CYP7B1: variants seen among roughly 807,000 people sequenced by gnomAD.
CYP7B1 encodes the protein cytochrome P450 family 7 subfamily B member 1, also known as cytochrome P450 7B1.
In CYP7B1, 29 loss-of-function variants were observed where a neutral mutation model predicts 42.7. The observed-to-expected ratio is 0.68, with a 90% confidence interval of 0.51 to 0.93. The LOEUF is 0.93. Among genes scored for constraint, CYP7B1 ranks in the 40% least tolerant of loss-of-function variants. The probability of loss-of-function intolerance (pLI) is 0.00; values close to 1 mark genes in which losing one functional copy is unlikely to be tolerated. For synonymous variants in CYP7B1, 235 were observed against 218.2 expected (o/e 1.08, Z -0.68); for missense variants, 655 against 600.5 (o/e 1.09, Z -0.95).
At chr8:64,745,470 C>A (rs1450062893) in intron 1 of CYP7B1, among the ~76,000 whole-genome samples, 1 of 152,120 alleles carries the variant, frequency 6.6e-6, no homozygotes, top group Non-Finnish European at 1.5e-5. Flanking sequence ...ATTATCTAAT[C>A]TTTTGGAGAT....
chr8:64,636,352 A>G (rs1439845008), intron 1 of CYP7B1, among the ~76,000 whole-genome samples: 2 of 152,204 alleles, frequency 1.3e-5, no homozygotes, highest in African/African-American at 2.4e-5. Flanking sequence ...TGAATACCCT[A>G]TGGTATTTTC....
rs1038537436 is a variant in CYP7B1 at position 64,633,511 on chromosome 8, A to G, written c.123-8972T>C. On this transcript the variant is annotated intron_variant, in intron 1 of 5. Transcript: ENST00000310193. Reference sequence around the variant, plus strand: ...AACACAATACTACTTACATTAATCAAAACAAAATATACAAAGTTAACTTAG... The same window carrying G: ...AACACAATACTACTTACATTAATCAGAACAAAATATACAAAGTTAACTTAG... Among the ~76,000 whole-genome samples, 10 of 152,226 alleles carry G rather than the reference A, an allele frequency of 6.6e-5. No individual in the cohort carries two copies. The East Asian group carries it at 1.2e-3, about 18-fold the overall frequency.
At chr8:64,597,129 A>G (rs1000525948) in intron 5 of CYP7B1, among the ~76,000 whole-genome samples, 200 bp from the exon 6 acceptor site, 2 of 152,222 alleles carry the variant, frequency 1.3e-5, no homozygotes, top group African/African-American at 2.4e-5. Flanking sequence ...CTCCCATATC[A>G]AAGTGAAGTC....
chr8:64,777,738 G>A (rs916133550), intron 1 of CYP7B1, among the ~76,000 whole-genome samples: 7 of 151,838 alleles, frequency 4.6e-5, no homozygotes, highest in Non-Finnish European at 7.4e-5. Context: ...CACCTGCAGC[G>A]GGTTTCATCT....
At chr8:64,679,691 G>T (rs916449172) in intron 1 of CYP7B1, among the ~76,000 whole-genome samples, 1 of 152,042 alleles carries the variant, frequency 6.6e-6, no homozygotes, top group Non-Finnish European at 1.5e-5. Context: ...TCTTTTCCTA[G>T]CCCTCCTGTG....
At chr8:64,610,787 T>G (rs1805352217) in intron 4 of CYP7B1, among the ~76,000 whole-genome samples, 1 of 152,162 alleles carries the variant, frequency 6.6e-6, no homozygotes, top group African/African-American at 2.4e-5. Context: ...AGTCCATTTC[T>G]AGAGCATTTT....
At chr8:64,629,308 C>T (rs546758159) in intron 1 of CYP7B1, among the ~76,000 whole-genome samples, 20 of 151,492 alleles carry the variant, frequency 1.3e-4, no homozygotes, top group African/African-American at 4.8e-4. Context: ...TCCACTTTTC[C>T]TGTAATCATT....
chr8:64,703,539 T>C (rs1806948847), intron 1 of CYP7B1, among the ~76,000 whole-genome samples: 1 of 151,928 alleles, frequency 6.6e-6, no homozygotes, highest in Non-Finnish European at 1.5e-5. Flanking sequence ...GTCTGAAGGA[T>C]GAAACATTAG....
Position 64,771,142 on chromosome 8 carries a change from C to A in CYP7B1, c.122+27324G>T, listed in dbSNP as rs572432510. On this transcript the variant is annotated intron_variant, in intron 1 of 5. Transcript: ENST00000310193. ...GTGGCACAATCTCAGCTCACTGCAACCTCCGCCTCCTGGGTTCAAGTGATT... is the reference window on the plus strand; with the variant it reads ...GTGGCACAATCTCAGCTCACTGCAAACTCCGCCTCCTGGGTTCAAGTGATT... Among the ~76,000 whole-genome samples, 3 of 140,196 alleles carry A rather than the reference C, an allele frequency of 2.1e-5. No individual in the cohort carries two copies. In the South Asian group the frequency reaches 7.0e-4, roughly 33 times the overall value. The allele number at this position is 140,196 out of a possible 152,430, so 92.0% of individuals were successfully genotyped here.
chr8:64,643,108 T>TACATATATATAC (rs1563374183), intron 1 of CYP7B1, among the ~76,000 whole-genome samples: 10 of 142,274 alleles, frequency 7.0e-5, no homozygotes, highest in East Asian at 2.0e-4. Flanking sequence ...CACATATATA[T>TACATATATATAC]ACATATATAT....
At chr8:64,631,202 A>G (rs927705224) in intron 1 of CYP7B1, among the ~76,000 whole-genome samples, 25 of 152,190 alleles carry the variant, frequency 1.6e-4, no homozygotes, top group African/African-American at 6.0e-4. Context: ...TAAAATAATT[A>G]TCAATTGAAT....
chr8:64,732,508 G>A (rs1228110224), intron 1 of CYP7B1, among the ~76,000 whole-genome samples: 1 of 152,140 alleles, frequency 6.6e-6, no homozygotes, highest in Non-Finnish European at 1.5e-5. Context: ...AGGCTCATAG[G>A]CGGAAGGGAT....
intron 1 of CYP7B1, among the ~76,000 whole-genome samples, chr8:64,685,201 G>T (rs9773824): frequency 6.6e-6 from 1 of 151,126 alleles, no homozygotes. Flanking sequence ...AGGAGCGGAC[G>T]GGCCCCGCGG....
At chr8:64,748,054 C>T (rs1325817711) in intron 1 of CYP7B1, among the ~76,000 whole-genome samples, 5 of 152,120 alleles carry the variant, frequency 3.3e-5, no homozygotes, top group African/African-American at 1.2e-4. Context: ...CTGGGGACAA[C>T]GAGAAGATTT....
Position 64,780,625 on chromosome 8 carries a change from C to A in CYP7B1, c.122+17841G>T, listed in dbSNP as rs560053739. Among the ~76,000 whole-genome samples, 32 of 152,208 alleles carry A rather than the reference C, an allele frequency of 2.1e-4. 1 individual carries two copies. The highest frequency in any genetic ancestry group is 7.2e-4 in the African/African-American group (30 of 41,554). ...AAAATGCATGATATAATAGATGTCA[C>A]CTTCTCTTATTCAACAAAGTAACTT... On this transcript the variant is annotated intron_variant, in intron 1 of 5. Transcript: ENST00000310193.
intron 1 of CYP7B1, among the ~76,000 whole-genome samples, chr8:64,667,935 C>T (rs1249438092): frequency 6.6e-6 from 1 of 152,218 alleles, no homozygotes; most frequent in Non-Finnish European, 1.5e-5. Context: ...GCAGTGGCTT[C>T]ATCCTCTGTT....
At chr8:64,618,523 T>C (rs763050033) in intron 2 of CYP7B1, among the ~76,000 whole-genome samples, 10 of 152,188 alleles carry the variant, frequency 6.6e-5, no homozygotes, top group Non-Finnish European at 1.5e-4. Flanking sequence ...GTACACATGT[T>C]ACAATTTTTG....
intron 1 of CYP7B1, among the ~76,000 whole-genome samples, chr8:64,677,262 G>A (rs926056107): frequency 6.6e-6 from 1 of 151,526 alleles, no homozygotes; most frequent in Non-Finnish European, 1.5e-5. Context: ...GTGCTTACCA[G>A]ACAATCAAAA....
At chr8:64,701,709 A>C (rs910704857) in intron 1 of CYP7B1, among the ~76,000 whole-genome samples, 4 of 152,096 alleles carry the variant, frequency 2.6e-5, no homozygotes, top group African/African-American at 9.7e-5. Flanking sequence ...ATACACAAAA[A>C]TTCCAGACAC....
Sources: allele counts gnomAD v4.1 joint callset (sites outside exome capture counted in the v4.1 genomes callset), GRCh38; gene constraint gnomAD v4.1.1; transcripts MANE v1.5; gene names NCBI Gene and HGNC (gene_info 2026-07-23, HGNC 2026-07-21).